TTN: variants seen among roughly 807,000 people sequenced by gnomAD.
TTN encodes connectin.
A neutral mutation model predicts 3,223.0 loss-of-function variants in TTN; 1,525 were observed. That is an observed-to-expected ratio of 0.47 (90% CI 0.45 to 0.49). The LOEUF is 0.49. Ranked by LOEUF, TTN falls within the 20% of genes least tolerant of loss-of-function variation. The pLI is 0.00. For synonymous variants in TTN, 14,094 were observed against 15,161.0 expected (o/e 0.93, Z 5.17); for missense variants, 40,786 against 43,424.0 (o/e 0.94, Z 5.40).
In TTN at chr2:178,532,141, G is replaced by C. The variant is rs766157074; in HGVS notation, c.104474C>G (p.Ala34825Gly). The change falls in exon 358 of 363, where the codon GCT becomes GGT. Residue 34825 changes from alanine to glycine, a missense_variant. Ala to Gly is a moderately conservative substitution (Grantham distance 60). Coordinates refer to ENST00000589042, the MANE Select transcript of TTN (RefSeq NM_001267550.2). The stretch of plus-strand genomic sequence containing the variant: ...CGCAGATGAGGATGATTCTCTTTGA[G>C]CATGTTTTGAGATTTCGTATTCTTC... ...IEEEYEISKH[A>G]QRESSSSASR... 6.2e-7 allele frequency: 1 copy of C among 1,613,878 alleles called. No homozygotes were observed. The highest frequency in any genetic ancestry group is 8.5e-7 in the Non-Finnish European group (1 of 1,179,864).
At chr2:178,598,257 G>C (rs2052304669) in intron 292 of TTN, among the ~76,000 whole-genome samples, 199 bp from the exon 293 acceptor site, 1 of 152,018 alleles carries the variant, frequency 6.6e-6, no homozygotes, top group African/African-American at 2.4e-5. Context: ...TAAAATTATT[G>C]TCAAATGATT....
chr2:178,754,929 A>G (rs2086525904), intron 46 of TTN, among the ~76,000 whole-genome samples: 1 of 152,166 alleles, frequency 6.6e-6, no homozygotes, highest in African/African-American at 2.4e-5. Context: ...GGGTAGGAAG[A>G]AAGGCCACTG....
At chr2:178,700,810 T>G (rs1162495304) in intron 111 of TTN, among the ~76,000 whole-genome samples, 1 of 150,770 alleles carries the variant, frequency 6.6e-6, no homozygotes, top group East Asian at 1.9e-4. Flanking sequence ...ATTGGTTCCA[T>G]TATTCTTTTT....
chr2:178,749,627 T>A (rs1456481408), intron 47 of TTN: 1 of 1,612,264 alleles, frequency 6.2e-7, no homozygotes, highest in Non-Finnish European at 8.5e-7. Flanking sequence ...ATTTTCGAAT[T>A]GACTATTTTC....
In TTN at chr2:178,566,911, C is replaced by T; in HGVS notation, c.79221G>A (p.Trp26407Ter). ...TTCCACCATCACTATCTGGACGGTTCCAACAGACGGTCATGGAGTCTTTGG... is the reference window on the plus strand; with the variant it reads ...TTCCACCATCACTATCTGGACGGTTTCAACAGACGGTCATGGAGTCTTTGG... Reference protein sequence around the residue: ...NIAKDSMTVCWNRPDSDGGSE... With the variant: ...NIAKDSMTVC The change falls in exon 326 of 363, where the codon TGG (tryptophan) becomes TGA (stop). Residue 26407 changes from tryptophan to a stop codon, truncating the protein, a stop_gained. Coordinates refer to ENST00000589042, the MANE Select transcript of TTN (RefSeq NM_001267550.2). LOFTEE classifies it high-confidence loss of function. The T allele has an allele frequency of 6.2e-7, 1 of 1,613,580 alleles. No individual in the cohort carries two copies. The highest frequency in any genetic ancestry group is 8.5e-7 in the Non-Finnish European group (1 of 1,179,672).
At chr2:178,720,338 A>C (rs762450055) in intron 80 of TTN, 47 bp downstream of exon 80, 1 of 1,592,192 alleles carries the variant, frequency 6.3e-7, no homozygotes, top group East Asian at 2.2e-5. Context: ...TTAGGCAAGA[A>C]CAGATAGGAG....
chr2:178,803,378 G>T (rs2094159273), intron 2 of TTN, among the ~76,000 whole-genome samples: 1 of 151,890 alleles, frequency 6.6e-6, no homozygotes, highest in South Asian at 2.1e-4. Context: ...TATGTGTTCT[G>T]CTCAGTTCAG....
chr2:178,552,272 C>T lies in TTN; in HGVS notation c.90628G>A (p.Val30210Met), dbSNP rs753025017. 2.0e-5 allele frequency: 33 copies of T among 1,613,456 alleles called. No homozygotes were observed. The highest frequency in any genetic ancestry group is 2.8e-5 in the Non-Finnish European group (33 of 1,179,700). The change falls in exon 335 of 363, where the codon GTG becomes ATG. Residue 30210 changes from valine (V) to methionine (M), a missense_variant. Val to Met is a conservative substitution (Grantham distance 21, BLOSUM62 1). Transcript: ENST00000589042. ...GKYTVILDNA[V>M]CRIAVPITVI... Reference sequence around the variant, plus strand: ...GTAATGGGGACTGCAATTCTACACACTGCATTATCAAGAATAACAGTGTAT... The same window carrying T: ...GTAATGGGGACTGCAATTCTACACATTGCATTATCAAGAATAACAGTGTAT...
At position 178,773,648 on chromosome 2, in the gene TTN, C is replaced by T. The variant is rs1228257559; in HGVS notation, c.7408G>A (p.Val2470Ile). 5.0e-6 allele frequency: 8 copies of T among 1,614,074 alleles called. No individual in the cohort carries two copies. The East Asian group carries it at 1.8e-4, about 36-fold the overall frequency. The change falls in exon 32 of 363, where the codon GTC becomes ATC. Residue 2470 changes from valine (V) to isoleucine (I), a missense_variant. Transcript: ENST00000589042. ...TKAVLECKVS[V>I]PDVTSVKWYL... ...CACTTAACAGAAGTCACATCAGGGA[C>T]TGACACCTTACATTCAAGCACAGCC...
rs1558947837 is a variant in TTN, at chr2:178,526,467, G to A, written c.*545C>T. 6.6e-6 allele frequency: 1 copy of A among 152,646 alleles called. No individual in the cohort carries two copies. The highest frequency in any genetic ancestry group is 1.5e-5 in the Non-Finnish European group (1 of 68,076). 9.5% of individuals were successfully genotyped at this position (152,646 alleles called of 1,614,324 possible). A position where few individuals can be genotyped will look rare whatever the true frequency, so the allele number is the denominator to read the frequency against. ...TTTGTGTGACATCATCAGAGAAAATGTAAGACGTTAAAGTGTTGCTTACAG... is the reference window on the plus strand; with the variant it reads ...TTTGTGTGACATCATCAGAGAAAATATAAGACGTTAAAGTGTTGCTTACAG... On this transcript the variant is annotated 3_prime_UTR_variant, in exon 363 of 363. Coordinates refer to ENST00000589042, the MANE Select transcript of TTN (RefSeq NM_001267550.2).
chr2:178,706,116 G>A (rs919098762), intron 102 of TTN, among the ~76,000 whole-genome samples: 5 of 152,140 alleles, frequency 3.3e-5, no homozygotes, highest in Non-Finnish European at 5.9e-5. Context: ...TGACTCTTGA[G>A]AGATTCTTTT....
chr2:178,621,270 C>T lies in TTN; in HGVS notation c.45448G>A (p.Val15150Ile), dbSNP rs1395618626. The T allele has an allele frequency of 2.5e-6, 4 of 1,612,156 alleles. No individual in the cohort carries two copies. The African/African-American group carries it at 5.3e-5, about 22-fold the overall frequency. The change falls in exon 246 of 363, where the codon GTC (valine) becomes ATC (isoleucine). Residue 15150 changes from valine to isoleucine, a missense_variant. Transcript: ENST00000589042. ...GTCTTATCATCCCTCTTCCACTGGA[C>T]TGGAAAGCTTTCTTTTGATATAGAG... ...VCSISKESFP[V>I]QWKRDDKTLE...
Position 178,564,556 on chromosome 2 carries a change from C to G in TTN, c.81576G>C (p.Lys27192Asn). 6.2e-7 allele frequency: 1 copy of G among 1,613,358 alleles called. No homozygotes were observed. Among genetic ancestry groups the G allele is most frequent in the Non-Finnish European group, 8.5e-7 (1 of 1,179,666 alleles). The change falls in exon 326 of 363, where the codon AAG (lysine) becomes AAC (asparagine). Residue 27192 changes from lysine (K) to asparagine (N), a missense_variant. Coordinates refer to ENST00000589042, the MANE Select transcript of TTN (RefSeq NM_001267550.2). ...ITRNNVTLKWKKPAYDGGSKI... is the reference protein window; with the variant it reads ...ITRNNVTLKWNKPAYDGGSKI... ...TGCTACCACCATCATAGGCAGGTTT[C>G]TTCCATTTCAGTGTGACATTGTTTC...
In TTN at chr2:178,729,692, C is replaced by T. The variant is rs377556808; in HGVS notation, c.18561G>A (p.Ala6187=). 2.4e-5 allele frequency: 39 copies of T among 1,613,694 alleles called. 1 individual carries two copies. The Middle Eastern group carries it at 2.6e-3, about 109-fold the overall frequency. ...TCACTTTGAGTTCAATGCTGCAGCTCGCCGTGCCTGCGTCATTTCGAGCTT... is the reference window on the plus strand; with the variant it reads ...TCACTTTGAGTTCAATGCTGCAGCTTGCCGTGCCTGCGTCATTTCGAGCTT... ...VCEARNDAGT[A]SCSIELKVKE... The change falls in exon 63 of 363, where the codon GCG becomes GCA. Residue 6187 remains alanine (A), a synonymous_variant. Coordinates refer to ENST00000589042, the MANE Select transcript of TTN (RefSeq NM_001267550.2).
At position 178,561,695 on chromosome 2, in the gene TTN, A is replaced by G. The variant is rs755354570; in HGVS notation, c.84437T>C (p.Val28146Ala). 53 of 1,607,856 alleles carry G rather than the reference A, an allele frequency of 3.3e-5. No individual in the cohort carries two copies. Among genetic ancestry groups the G allele is most frequent in the Non-Finnish European group, 4.3e-5 (50 of 1,175,980 alleles). ...GKSSYSESSAVVAEYPFSPPG... is the reference protein window; with the variant it reads ...GKSSYSESSAAVAEYPFSPPG... Reference sequence around the variant, plus strand: ...GGGACTGAATGGATACTCTGCAACAACAGCTGAAGATTCACTGTAGGAGCT... The same window carrying G: ...GGGACTGAATGGATACTCTGCAACAGCAGCTGAAGATTCACTGTAGGAGCT... The change falls in exon 326 of 363, where the codon GTT becomes GCT. Residue 28146 changes from valine (V) to alanine (A), a missense_variant. Transcript: ENST00000589042.
chr2:178,544,612 C>T (rs1696172395), intron 344 of TTN, 106 bp from the exon 345 acceptor site: 1 of 910,554 alleles, frequency 1.1e-6, no homozygotes. Context: ...CTCTTGTCCA[C>T]ACTCACCAAG....
rs755746120 is a variant in TTN, at chr2:178,609,751, T to G, written c.51672A>C (p.Ala17224=). The part of the protein sequence containing the change: ...EGKEYQFRVR[A]ENAAGISEPS... ...GTTCACTAATACCCGCGGCGTTCTC[T>G]GCTCGCACACGGAATTGGTACTCTT... Residue 17224 remains alanine (A), a synonymous_variant, in exon 272 of 363, where the codon GCA becomes GCC. Coordinates refer to ENST00000589042, the MANE Select transcript of TTN (RefSeq NM_001267550.2). The G allele has an allele frequency of 4.3e-6, 7 of 1,612,676 alleles. No individual in the cohort carries two copies. The East Asian group carries it at 1.6e-4, about 36-fold the overall frequency.
intron 123 of TTN, 26 bp downstream of exon 123, chr2:178,689,487 GTT>G (rs1315303778): frequency 1.4e-5 from 23 of 1,603,706 alleles, no homozygotes; most frequent in Non-Finnish European, 2.0e-5. Flanking sequence ...GAAAGACAAG[GTT>G]ATTTCATGGA....
In TTN at chr2:178,664,343, G is replaced by C. The variant is rs2065466811; in HGVS notation, c.36280+117C>G. 6 of 871,950 alleles carry C rather than the reference G, an allele frequency of 6.9e-6. No homozygotes were observed. The Admixed American group carries it at 1.2e-4, about 18-fold the overall frequency. 54.0% of individuals were successfully genotyped at this position (871,950 alleles called of 1,614,324 possible). A position where few individuals can be genotyped will look rare whatever the true frequency, so the allele number is the denominator to read the frequency against. On this transcript the variant is annotated intron_variant, in intron 168 of 362. Coordinates refer to ENST00000589042, the MANE Select transcript of TTN (RefSeq NM_001267550.2). ...TAATACATTTACACTTGAGTTGCAA[G>C]AGTCAACACAGACATGATTCACATG...
Sources: gnomAD v4.1 joint callset for allele counts (sites outside exome capture counted in the v4.1 genomes callset) on GRCh38, gnomAD v4.1.1 for gene constraint, MANE v1.5 for transcripts, NCBI Gene and HGNC (gene_info 2026-07-23, HGNC 2026-07-21) for gene names.